The following CLYBL variants were observed in gnomAD, a reference collection of about 807,000 sequenced individuals.
CLYBL encodes citramalyl-CoA lyase, mitochondrial.
A neutral mutation model predicts 38.9 loss-of-function variants in CLYBL; 31 were observed. That is an observed-to-expected ratio of 0.80 (90% CI 0.60 to 1.08). The LOEUF (loss-of-function observed/expected upper bound fraction) is 1.08, where lower values mean the gene tolerates loss of function less well. Among genes scored for constraint, CLYBL ranks in the 50% least tolerant of loss-of-function variants. CLYBL has a pLI of 0.00. For synonymous variants in CLYBL, 171 were observed against 158.6 expected, an observed-to-expected ratio of 1.08 and a Z score of -0.59; for missense variants, 434 against 411.6, an observed-to-expected ratio of 1.05 and a Z score of -0.47.
chr13:99,808,276 G>A (rs915125260), intron 2 of CLYBL, among the ~76,000 whole-genome samples: 1 of 152,096 alleles, frequency 6.6e-6, no homozygotes, highest in African/African-American at 2.4e-5. Context: ...TGTAGAGATG[G>A]AGTACTGCTG....
intron 1 of CLYBL, among the ~76,000 whole-genome samples, chr13:99,640,602 C>G (rs1266833256): frequency 6.6e-6 from 1 of 152,188 alleles, no homozygotes; most frequent in Non-Finnish European, 1.5e-5. Flanking sequence ...AAGGAGTATT[C>G]CTAGCAGAGC....
chr13:99,709,709 A>G (rs999667515), intron 1 of CLYBL, among the ~76,000 whole-genome samples: 16 of 152,044 alleles, frequency 1.1e-4, no homozygotes, highest in African/African-American at 3.9e-4. Context: ...CCCCTTCAAA[A>G]TTAACTCCTA....
At chr13:99,846,189 G>A (rs952598376) in intron 2 of CLYBL, among the ~76,000 whole-genome samples, 2 of 150,720 alleles carry the variant, frequency 1.3e-5, no homozygotes, top group Non-Finnish European at 2.9e-5. Flanking sequence ...AAAGGACTCA[G>A]TATATATTTA....
At chr13:99,670,108 A>AGAATT (rs2047543336) in intron 1 of CLYBL, among the ~76,000 whole-genome samples, 1 of 152,050 alleles carries the variant, frequency 6.6e-6, no homozygotes, top group African/African-American at 2.4e-5. Context: ...CTGAGGTATG[A>AGAATT]GAATTGCTTG....
At chr13:99,909,082 G>A (rs542899908) in exon 10 of CLYBL, among the ~76,000 whole-genome samples, 24 of 152,246 alleles carry the variant, frequency 1.6e-4, no homozygotes, top group South Asian at 4.2e-4. Context: ...TAGACATAGC[G>A]GAACAGAAAA....
chr13:99,787,346 G>A (rs2049818495), intron 2 of CLYBL, among the ~76,000 whole-genome samples: 1 of 152,180 alleles, frequency 6.6e-6, no homozygotes, highest in Admixed American at 6.5e-5. Context: ...TAACATTTAA[G>A]TCTTTAATCC....
At chr13:99,800,791 G>A (rs1467440391) in intron 2 of CLYBL, among the ~76,000 whole-genome samples, 3 of 151,522 alleles carry the variant, frequency 2.0e-5, no homozygotes, top group African/African-American at 7.3e-5. Context: ...GGAGAATCGC[G>A]TGAGCCCAGG....
chr13:99,786,448 C>T (rs958524949), intron 2 of CLYBL, among the ~76,000 whole-genome samples: 3 of 151,984 alleles, frequency 2.0e-5, no homozygotes, highest in Admixed American at 1.3e-4. Context: ...TGAGTGAGAA[C>T]ATGCGGTGTT....
intron 1 of CLYBL, among the ~76,000 whole-genome samples, chr13:99,706,883 G>A (rs1341344073): frequency 6.6e-6 from 1 of 152,140 alleles, no homozygotes; most frequent in African/African-American, 2.4e-5. Flanking sequence ...GCTCACTGCA[G>A]CCTTGACCTC....
At chr13:99,905,543 A>G (rs1210063940) in intron 9 of CLYBL, among the ~76,000 whole-genome samples, 1 of 151,258 alleles carries the variant, frequency 6.6e-6, no homozygotes, top group South Asian at 2.1e-4. Flanking sequence ...ACCCTCCCCC[A>G]CCTCCATTCT....
chr13:99,686,882 A>G (rs1382431903), intron 1 of CLYBL, among the ~76,000 whole-genome samples: 3 of 152,198 alleles, frequency 2.0e-5, no homozygotes, highest in South Asian at 2.1e-4. Context: ...AGGGCAGGGG[A>G]GGATATCAAG....
At chr13:99,755,874 C>T (rs1273846811) in intron 1 of CLYBL, among the ~76,000 whole-genome samples, 1 of 152,224 alleles carries the variant, frequency 6.6e-6, no homozygotes, top group Non-Finnish European at 1.5e-5. Flanking sequence ...GCTCTCCCCA[C>T]CGAACCGCTG....
chr13:99,752,962 C>T (rs2048984639), intron 1 of CLYBL, among the ~76,000 whole-genome samples: 1 of 152,028 alleles, frequency 6.6e-6, no homozygotes, highest in African/African-American at 2.4e-5. Flanking sequence ...AGGGGAAGGC[C>T]TGTGAAGGGA....
At chr13:99,825,367 T>C (rs1188059174) in intron 2 of CLYBL, among the ~76,000 whole-genome samples, 1 of 152,200 alleles carries the variant, frequency 6.6e-6, no homozygotes, top group Non-Finnish European at 1.5e-5. Context: ...AAAAACCAAG[T>C]AAGTGCGTGT....
chr13:99,669,594 GAA>G (rs1490133056), intron 1 of CLYBL, among the ~76,000 whole-genome samples: 1 of 152,104 alleles, frequency 6.6e-6, no homozygotes, highest in Non-Finnish European at 1.5e-5. Context: ...CTTTACCTCT[GAA>G]AAGATTTCTT....
chr13:99,733,019 T>C (rs1179330687), intron 1 of CLYBL, among the ~76,000 whole-genome samples: 2 of 152,236 alleles, frequency 1.3e-5, no homozygotes, highest in Admixed American at 6.5e-5. Context: ...TTGAAGGTAA[T>C]TGGCTTTTGC....
At chr13:99,745,903 A>G (rs1165994183) in intron 1 of CLYBL, among the ~76,000 whole-genome samples, 1 of 151,806 alleles carries the variant, frequency 6.6e-6, no homozygotes, top group Non-Finnish European at 1.5e-5. Flanking sequence ...AAAAAAAGTC[A>G]AAATTCTAAG....
intron 1 of CLYBL, among the ~76,000 whole-genome samples, chr13:99,701,255 A>T (rs1463459418): frequency 6.6e-6 from 1 of 152,182 alleles, no homozygotes; most frequent in Non-Finnish European, 1.5e-5. Context: ...CTCTTTATAT[A>T]TATTGTCTCA....
chr13:99,743,134 C>G (rs1371401680), intron 1 of CLYBL, among the ~76,000 whole-genome samples: 1 of 151,534 alleles, frequency 6.6e-6, no homozygotes, highest in Non-Finnish European at 1.5e-5. Flanking sequence ...TGTTTAGGAT[C>G]CCTGCAGGGC....
Sources: allele counts gnomAD v4.1 joint callset (sites outside exome capture counted in the v4.1 genomes callset), GRCh38; gene constraint gnomAD v4.1.1; transcripts MANE v1.5; gene names NCBI Gene and HGNC (gene_info 2026-07-23, HGNC 2026-07-21).